C16orf89: variants seen among roughly 807,000 people sequenced by gnomAD.
The protein encoded by C16orf89 is chromosome 16 open reading frame 89, also known as UPF0764 protein C16orf89.
Under a neutral mutation model 41.5 loss-of-function variants are expected in C16orf89, and 57 were observed. The ratio of observed to expected loss-of-function variants is 1.38; its 90% CI spans 1.11 to 1.71. C16orf89 has a LOEUF of 1.71. Among genes scored for constraint, C16orf89 ranks in the 40% most tolerant of loss-of-function variants. The pLI, the probability that C16orf89 is intolerant of heterozygous loss-of-function variation, is 0.00. For synonymous variants in C16orf89, 223 were observed against 190.6 expected (o/e 1.17, Z -1.40); for missense variants, 575 against 445.9 (o/e 1.29, Z -2.61).
At chr16:5,055,723 C>A (rs556230638) in intron 5 of C16orf89, 27 of 1,535,642 alleles carry the variant, frequency 1.8e-5, no homozygotes, top group Non-Finnish European at 2.4e-5. Context: ...ACTGGGGCAG[C>A]CTTTGGGGGC....
intron 1 of C16orf89, among the ~76,000 whole-genome samples, chr16:5,065,119 T>C (rs1372509190): frequency 1.3e-5 from 2 of 152,124 alleles, no homozygotes; most frequent in East Asian, 1.9e-4. Context: ...TGCATGTGTG[T>C]GTGCGTGCGT....
chr16:5,058,456 C>A, intron 4 of C16orf89, 37 bp downstream of exon 4: 1 of 1,537,506 alleles, frequency 6.5e-7, no homozygotes, highest in Non-Finnish European at 8.9e-7. Context: ...TTTCCTTCCC[C>A]TTCCCCTGGC....
intron 1 of C16orf89, among the ~76,000 whole-genome samples, chr16:5,065,022 C>G (rs896710932): frequency 2.6e-5 from 4 of 152,198 alleles, no homozygotes; most frequent in African/African-American, 7.2e-5. Flanking sequence ...CCAGGAAGCA[C>G]CCAGCCCTGT....
intron 7 of C16orf89, among the ~76,000 whole-genome samples, chr16:5,046,461 C>T (rs1956299743): frequency 6.6e-6 from 1 of 151,462 alleles, no homozygotes; most frequent in African/African-American, 2.4e-5. Flanking sequence ...AAGCAGATCT[C>T]CTGTCTCAGC....
chr16:5,064,652 C>T (rs575304914), intron 1 of C16orf89, among the ~76,000 whole-genome samples: 4 of 152,256 alleles, frequency 2.6e-5, no homozygotes, highest in South Asian at 2.1e-4. Flanking sequence ...GCACAGTTCA[C>T]GGGTGTGGTT....
chr16:5,060,265 T>A, intron 3 of C16orf89, 21 bp downstream of exon 3: 1 of 1,584,744 alleles, frequency 6.3e-7, no homozygotes, highest in Non-Finnish European at 8.6e-7. Context: ...TTCCAGCAAA[T>A]AGGGCAAGTG....
At position 5,044,633 on chromosome 16, in the gene C16orf89, G is replaced by A. The variant is rs1263954651; in HGVS notation, c.956-155C>T. On this transcript the variant is annotated intron_variant, in intron 7 of 7. Transcript: ENST00000472572. ...GAGGTGGGCGGATCTCTTGAGATCA[G>A]GAGTTCGAGACCAGCATGAGCAACA... 2.9e-6 allele frequency: 4 copies of A among 1,395,630 alleles called. No homozygotes were observed. The African/African-American group carries it at 5.7e-5, about 20-fold the overall frequency. 86.5% of individuals were successfully genotyped at this position (1,395,630 alleles called of 1,614,324 possible). A position where few individuals can be genotyped will look rare whatever the true frequency, so the allele number is the denominator to read the frequency against.
At chr16:5,045,642 G>A (rs1956281995) in intron 7 of C16orf89, among the ~76,000 whole-genome samples, 1 of 152,178 alleles carries the variant, frequency 6.6e-6, no homozygotes, top group Non-Finnish European at 1.5e-5. Flanking sequence ...ACAATGGGGA[G>A]GGCTTTGCAC....
intron 5 of C16orf89, 27 bp from the exon 6 acceptor site, chr16:5,055,377 C>A (rs764958341): frequency 1.0e-5 from 16 of 1,551,216 alleles, no homozygotes; most frequent in Non-Finnish European, 1.3e-5. Context: ...GGGCCCTCTG[C>A]AGGCCTGCCC....
In C16orf89 at chr16:5,044,463, T is replaced by C; in HGVS notation, c.971A>G (p.His324Arg). 6.8e-6 allele frequency: 11 copies of C among 1,612,612 alleles called. No homozygotes were observed. Among genetic ancestry groups the C allele is most frequent in the Non-Finnish European group, 9.3e-6 (11 of 1,179,416 alleles). The change falls in exon 8 of 8, where the codon CAC becomes CGC. Residue 324 changes from histidine to arginine, a missense_variant. By Grantham distance (29) the His-to-Arg change is conservative. Coordinates refer to ENST00000472572, the MANE Select transcript of C16orf89 (RefSeq NM_001098514.3). ...GGCTGCCACTGCTGTGGCTGTGTTG[T>C]GGGAGGAGCAGCCATCTAGGGGAGA... ...EKQFPDGCSSHNTATAVAALG... is the reference protein window; with the variant it reads ...EKQFPDGCSSRNTATAVAALG...
intron 7 of C16orf89, chr16:5,044,851 A>T: frequency 7.9e-7 from 1 of 1,259,686 alleles, no homozygotes; most frequent in Non-Finnish European, 1.0e-6. Context: ...CTCAAAAAAA[A>T]AAAAAGTGCT....
At chr16:5,060,498 C>G (rs947296605) in intron 2 of C16orf89, 62 bp from the exon 3 acceptor site, 87 of 1,500,322 alleles carry the variant, frequency 5.8e-5, no homozygotes, top group Middle Eastern at 4.2e-4. Flanking sequence ...AGTGGGCCAC[C>G]CTGGTGTCCC....
At chr16:5,048,463 G>C (rs1255696899) in intron 6 of C16orf89, among the ~76,000 whole-genome samples, 1 of 152,152 alleles carries the variant, frequency 6.6e-6, no homozygotes, top group Non-Finnish European at 1.5e-5. Context: ...AGATCCTTTT[G>C]CATGGCCTAA....
chr16:5,046,495 C>A (rs910977100), intron 7 of C16orf89, among the ~76,000 whole-genome samples: 14 of 151,966 alleles, frequency 9.2e-5, no homozygotes, highest in Non-Finnish European at 1.9e-4. Flanking sequence ...GGATTACAGG[C>A]ATGCACCACC....
chr16:5,059,249 T>G (rs906377375), intron 3 of C16orf89, among the ~76,000 whole-genome samples: 3 of 147,196 alleles, frequency 2.0e-5, no homozygotes, highest in Non-Finnish European at 1.5e-5. Context: ...AGACTCCATC[T>G]CAAAATAAAT....
chr16:5,052,692 G>C (rs1410025655), intron 6 of C16orf89, among the ~76,000 whole-genome samples: 1 of 152,128 alleles, frequency 6.6e-6, no homozygotes, highest in Non-Finnish European at 1.5e-5. Flanking sequence ...ATGTAAATTA[G>C]TACAGACATT....
At chr16:5,062,628 T>A in intron 1 of C16orf89, 54 bp from the exon 2 acceptor site, 1 of 1,500,650 alleles carries the variant, frequency 6.7e-7, no homozygotes, top group Non-Finnish European at 9.0e-7. Flanking sequence ...GACCTTTTTT[T>A]GCCTTGGAAC....
chr16:5,044,938 C>T, intron 7 of C16orf89: 1 of 1,214,422 alleles, frequency 8.2e-7, no homozygotes, highest in Non-Finnish European at 1.0e-6. Context: ...TTTTGCTGGG[C>T]CGGGTGCTCT....
intron 4 of C16orf89, among the ~76,000 whole-genome samples, chr16:5,057,147 G>T (rs1956524961): frequency 6.6e-6 from 1 of 151,126 alleles, no homozygotes; most frequent in Admixed American, 6.6e-5. Context: ...CTGAGGCAGA[G>T]AATTGCTTAA....
Sources: allele counts gnomAD v4.1 joint callset (sites outside exome capture counted in the v4.1 genomes callset), GRCh38; gene constraint gnomAD v4.1.1; transcripts MANE v1.5; gene names NCBI Gene and HGNC (gene_info 2026-07-23, HGNC 2026-07-21).